Variants in WWOX observed in about 807,000 individuals in gnomAD.
WWOX encodes WW domain-containing oxidoreductase.
In WWOX, 69 loss-of-function variants were observed where a neutral mutation model predicts 46.2. The ratio of observed to expected loss-of-function variants is 1.49; its 90% CI spans 1.23 to 1.82. The LOEUF is 1.82. WWOX is among the 40% of genes most tolerant of loss of function. The probability of loss-of-function intolerance (pLI) is 0.00; values close to 1 mark genes in which losing one functional copy is unlikely to be tolerated. For missense variants in WWOX, 919 were observed against 542.6 expected (o/e 1.69, Z -6.89); for synonymous variants, 359 against 202.6 (o/e 1.77, Z -6.56).
chr16:78,966,445 A>C (rs2046364368), intron 8 of WWOX, among the ~76,000 whole-genome samples: 1 of 152,016 alleles, frequency 6.6e-6, no homozygotes, highest in South Asian at 2.1e-4. Flanking sequence ...CTTCCACAAT[A>C]TTATAGGCTT....
At chr16:78,449,350 T>C (rs1567580068) in intron 8 of WWOX, among the ~76,000 whole-genome samples, 2 of 152,178 alleles carry the variant, frequency 1.3e-5, no homozygotes, top group South Asian at 2.1e-4. Flanking sequence ...TAGAAGGAAA[T>C]CACTGAGTCT....
At chr16:78,422,695 A>ACC in intron 6 of WWOX, among the ~76,000 whole-genome samples, 1 of 107,528 alleles carries the variant, frequency 9.3e-6, no homozygotes, top group Admixed American at 1.0e-4. Context: ...ACACACACAC[A>ACC]CACACATATA....
chr16:78,888,929 T>C (rs2044527129), intron 8 of WWOX, among the ~76,000 whole-genome samples: 1 of 150,946 alleles, frequency 6.6e-6, no homozygotes, highest in Non-Finnish European at 1.5e-5. Flanking sequence ...AGCTTCTCCT[T>C]TTTCCCCAAG....
rs4130513 is a variant in WWOX at position 78,424,853 on chromosome 16, G to C, written c.606-17G>C. 5.6e-6 allele frequency: 9 copies of C among 1,613,254 alleles called. No individual in the cohort carries two copies. Among genetic ancestry groups the C allele is most frequent in the Non-Finnish European group, 7.6e-6 (9 of 1,179,646 alleles). ...TAGTGTTTATGTCCACATCACATGG[G>C]ATATTTTATTTTTCAGGCCTCTTCA... is the stretch of plus-strand genomic sequence containing the variant. On this transcript the variant is annotated splice_polypyrimidine_tract_variant and intron_variant, in intron 6 of 8. Transcript: ENST00000566780.
Position 78,915,608 on chromosome 16 carries a change from A to C in WWOX, c.1057-296000A>C, listed in dbSNP as rs551029885. On this transcript the variant is annotated intron_variant, in intron 8 of 8. Transcript: ENST00000566780. ...GTGACATTGCTGGTTCCTATTAGCA[A>C]AATAACAGACAGTGTTATCAGTCAT... 2.3e-4 allele frequency among the ~76,000 whole-genome samples: 35 copies of C among 152,316 alleles called. No homozygotes were observed. The South Asian group carries it at 7.3e-3, about 32-fold the overall frequency.
chr16:79,201,784 C>G (rs763346050), intron 8 of WWOX, among the ~76,000 whole-genome samples: 7 of 122,732 alleles, frequency 5.7e-5, no homozygotes, highest in East Asian at 2.2e-4. Context: ...TTTATGAAAA[C>G]AAAAAGATAA....
chr16:79,172,640 G>A (rs1427910156), intron 8 of WWOX, among the ~76,000 whole-genome samples: 2 of 152,140 alleles, frequency 1.3e-5, no homozygotes, highest in Admixed American at 6.5e-5. Flanking sequence ...ACTACCAATG[G>A]CAAAGACAAA....
intron 8 of WWOX, among the ~76,000 whole-genome samples, chr16:78,488,989 C>T (rs1042970705): frequency 2.2e-4 from 33 of 152,208 alleles, no homozygotes; most frequent in African/African-American, 7.7e-4. Context: ...GAACACAGAA[C>T]TTCGCAGTCT....
chr16:78,710,468 GATCTCAT>G (rs1408305914), intron 8 of WWOX, among the ~76,000 whole-genome samples: 2 of 32,806 alleles, frequency 6.1e-5, no homozygotes, highest in Non-Finnish European at 1.2e-4. Context: ...AAAGCTAATG[GATCTCAT>G]ATATATATAT....
At chr16:78,331,390 C>G (rs1343264883) in intron 5 of WWOX, among the ~76,000 whole-genome samples, 2 of 152,168 alleles carry the variant, frequency 1.3e-5, no homozygotes, top group African/African-American at 4.8e-5. Context: ...AACAGGCAAC[C>G]AGGTAATAAA....
At chr16:79,094,348 C>G (rs551111960) in intron 8 of WWOX, among the ~76,000 whole-genome samples, 29 of 151,150 alleles carry the variant, frequency 1.9e-4, no homozygotes, top group Non-Finnish European at 3.5e-4. Context: ...CCAACTGGTT[C>G]AAGCAATTCC....
In WWOX at chr16:78,989,266, A is replaced by T. The variant is rs1255037858; in HGVS notation, c.1057-222342A>T. Among the ~76,000 whole-genome samples, 4 of 152,034 alleles carry T rather than the reference A, an allele frequency of 2.6e-5. No individual in the cohort carries two copies. In the East Asian group the frequency reaches 7.7e-4, roughly 29 times the overall value. On this transcript the variant is annotated intron_variant, in intron 8 of 8. Transcript: ENST00000566780. ...GGGTGGTTCTAAGAATTCTAATTCA[A>T]TTAGAAGGCCTTCTTTTTAGTTTGA...
chr16:78,251,969 A>G (rs755689315), intron 5 of WWOX, among the ~76,000 whole-genome samples: 14 of 152,168 alleles, frequency 9.2e-5, no homozygotes, highest in South Asian at 2.1e-4. Context: ...TATTTTTTCA[A>G]CAGGGAAGAT....
At chr16:78,723,361 C>A (rs867796278) in intron 8 of WWOX, among the ~76,000 whole-genome samples, 1 of 152,048 alleles carries the variant, frequency 6.6e-6, no homozygotes, top group African/African-American at 2.4e-5. Context: ...AAGAGCCTTC[C>A]CCTATGAGAA....
At chr16:78,294,790 G>GA (rs2079917583) in intron 5 of WWOX, among the ~76,000 whole-genome samples, 8 of 152,146 alleles carry the variant, frequency 5.3e-5, no homozygotes, top group East Asian at 3.9e-4. Flanking sequence ...GGAAGGATGG[G>GA]AAGGAGGGAA....
intron 8 of WWOX, among the ~76,000 whole-genome samples, chr16:79,126,928 A>G (rs914822127): frequency 5.3e-5 from 8 of 152,250 alleles, no homozygotes; most frequent in African/African-American, 1.9e-4. Flanking sequence ...AGAGAGTGGG[A>G]AGTAATTTAT....
At chr16:78,926,744 T>C (rs2045507396) in intron 8 of WWOX, among the ~76,000 whole-genome samples, 1 of 152,170 alleles carries the variant, frequency 6.6e-6, no homozygotes, top group Non-Finnish European at 1.5e-5. Flanking sequence ...TCTACATTTC[T>C]AGAAAGACCA....
At chr16:78,601,455 A>C (rs1052587713) in intron 8 of WWOX, among the ~76,000 whole-genome samples, 6 of 147,356 alleles carry the variant, frequency 4.1e-5, no homozygotes, top group African/African-American at 1.5e-4. Flanking sequence ...AAAAAAAAAG[A>C]AAGGAAAAAA....
chr16:78,836,796 C>T (rs1321469391), intron 8 of WWOX, among the ~76,000 whole-genome samples: 1 of 152,130 alleles, frequency 6.6e-6, no homozygotes, highest in Admixed American at 6.6e-5. Context: ...ATTCTATACA[C>T]CAAAAGCCCC....
Sources: gnomAD v4.1 joint callset for allele counts (sites outside exome capture counted in the v4.1 genomes callset) on GRCh38, gnomAD v4.1.1 for gene constraint, MANE v1.5 for transcripts, NCBI Gene and HGNC (gene_info 2026-07-23, HGNC 2026-07-21) for gene names.